Variants in NDFIP2 observed in about 807,000 individuals in gnomAD.
NDFIP2 encodes NEDD4 family-interacting protein 2.
Under a neutral mutation model 36.0 loss-of-function variants are expected in NDFIP2, and 19 were observed. The observed-to-expected ratio is 0.53, with a 90% CI of 0.37 to 0.77. The LOEUF is 0.77. NDFIP2 is among the 30% of genes least tolerant of loss of function. The pLI, the probability that NDFIP2 is intolerant of heterozygous loss-of-function variation, is 0.00. For missense variants in NDFIP2, 446 were observed against 435.8 expected (o/e 1.02, Z -0.21); for synonymous variants, 181 against 167.7 (o/e 1.08, Z -0.61).
chr13:79,514,821 C>A (rs1411283077), intron 1 of NDFIP2, among the ~76,000 whole-genome samples: 1 of 152,066 alleles, frequency 6.6e-6, no homozygotes, highest in Non-Finnish European at 1.5e-5. Context: ...TTAATTATCC[C>A]CCCCTTACAT....
intron 5 of NDFIP2, among the ~76,000 whole-genome samples, chr13:79,547,908 A>G (rs1262767911): frequency 4.6e-5 from 7 of 152,134 alleles, no homozygotes; most frequent in Admixed American, 3.3e-4. Flanking sequence ...CCCCCATCTG[A>G]TAAGATTAAA....
At chr13:79,551,415 G>A (rs1875905768) in intron 7 of NDFIP2, among the ~76,000 whole-genome samples, 1 of 151,248 alleles carries the variant, frequency 6.6e-6, no homozygotes, top group African/African-American at 2.4e-5. Flanking sequence ...ACCATAGAAT[G>A]TATATGAAGT....
At chr13:79,523,977 G>A (rs1054887882) in intron 2 of NDFIP2, among the ~76,000 whole-genome samples, 1 of 152,196 alleles carries the variant, frequency 6.6e-6, no homozygotes, top group Non-Finnish European at 1.5e-5. Context: ...AGAGGTTGTA[G>A]TGCTTCAGTG....
At chr13:79,506,232 G>C (rs993742794) in intron 1 of NDFIP2, among the ~76,000 whole-genome samples, 1 of 152,060 alleles carries the variant, frequency 6.6e-6, no homozygotes, top group Non-Finnish European at 1.5e-5. Flanking sequence ...AAGCAACCAT[G>C]TTACCTATTT....
Position 79,515,377 on chromosome 13 carries a change from A to G in NDFIP2, c.322-5433A>G, listed in dbSNP as rs1874253655. Among the ~76,000 whole-genome samples the G allele has an allele frequency of 2.0e-5, 3 of 152,194 alleles. No homozygotes were observed. The South Asian group carries it at 6.2e-4, about 31-fold the overall frequency. ...ATATTATAAAATTTAAAACCACATC[A>G]CTTTGTTTTCAAAACAAGAAGCTGA... On this transcript the variant is annotated intron_variant, in intron 1 of 7. Transcript: ENST00000218652.
chr13:79,493,966 T>C (rs745972862), intron 1 of NDFIP2, among the ~76,000 whole-genome samples: 1 of 152,084 alleles, frequency 6.6e-6, no homozygotes, highest in Non-Finnish European at 1.5e-5. Context: ...AGCAATCTCC[T>C]TTTCACCCTT....
At chr13:79,497,660 G>GTTT (rs1282594237) in intron 1 of NDFIP2, among the ~76,000 whole-genome samples, 13 of 126,738 alleles carry the variant, frequency 1.0e-4, no homozygotes, top group Non-Finnish European at 1.7e-4. Context: ...AGATTTCTGA[G>GTTT]TTTTTTTTTT....
At chr13:79,545,819 C>T (rs540030618) in intron 5 of NDFIP2, among the ~76,000 whole-genome samples, 2 of 152,260 alleles carry the variant, frequency 1.3e-5, no homozygotes, top group Admixed American at 6.5e-5. Flanking sequence ...TCACTGCAAC[C>T]TCCGCCTCCC....
intron 6 of NDFIP2, among the ~76,000 whole-genome samples, chr13:79,550,747 C>CA (rs1176722721): frequency 3.3e-5 from 5 of 151,602 alleles, no homozygotes; most frequent in African/African-American, 1.2e-4. Context: ...TGAAGAAAAT[C>CA]ACTTAAATGT....
At chr13:79,539,534 A>T in intron 3 of NDFIP2, 148 bp from the exon 4 acceptor site, 1 of 555,500 alleles carries the variant, frequency 1.8e-6, no homozygotes, top group East Asian at 2.9e-5. Context: ...ATGCTTATTG[A>T]TTACTCTGTG....
intron 1 of NDFIP2, among the ~76,000 whole-genome samples, chr13:79,492,982 C>G (rs941474279): frequency 6.6e-6 from 1 of 152,098 alleles, no homozygotes; most frequent in Non-Finnish European, 1.5e-5. Context: ...TTCCCTTTTA[C>G]CTCCCCATCT....
intron 1 of NDFIP2, among the ~76,000 whole-genome samples, chr13:79,504,863 CTATT>C (rs1873800744): frequency 1.3e-5 from 2 of 152,110 alleles, no homozygotes; most frequent in Admixed American, 1.3e-4. Context: ...TGCTCCCCAT[CTATT>C]CATTTATATC....
At chr13:79,547,299 C>G (rs745871533) in intron 5 of NDFIP2, among the ~76,000 whole-genome samples, 1 of 151,952 alleles carries the variant, frequency 6.6e-6, no homozygotes, top group African/African-American at 2.4e-5. Flanking sequence ...AATTGGAAAT[C>G]TTTACTTATA....
chr13:79,530,604 T>G lies in NDFIP2; in HGVS notation c.488-2719T>G, dbSNP rs1391382168. ...CACTGCTTTGTCAGTTAAACTTATGTAATCTAAGTCCTTTTTTGTCATTTC... is the reference window on the plus strand; with the variant it reads ...CACTGCTTTGTCAGTTAAACTTATGGAATCTAAGTCCTTTTTTGTCATTTC... On this transcript the variant is annotated intron_variant, in intron 2 of 7. Transcript: ENST00000218652. Among the ~76,000 whole-genome samples the G allele has an allele frequency of 2.0e-5, 3 of 152,218 alleles. No homozygotes were observed. In the South Asian group the frequency reaches 6.2e-4, roughly 32 times the overall value.
chr13:79,523,384 C>T (rs922252198), intron 2 of NDFIP2, among the ~76,000 whole-genome samples: 4 of 152,042 alleles, frequency 2.6e-5, no homozygotes, highest in Non-Finnish European at 5.9e-5. Context: ...CCACACCTGG[C>T]GAATTTTGTA....
intron 4 of NDFIP2, 62 bp from the exon 5 acceptor site, chr13:79,543,496 A>G (rs1054344641): frequency 6.3e-7 from 1 of 1,578,104 alleles, no homozygotes; most frequent in Admixed American, 1.7e-5. Context: ...TATTATTAAT[A>G]TGTCTATGTT....
chr13:79,494,432 A>G (rs1021708058), intron 1 of NDFIP2, among the ~76,000 whole-genome samples: 3 of 152,010 alleles, frequency 2.0e-5, no homozygotes, highest in Admixed American at 2.0e-4. Context: ...GAGTTGCTTA[A>G]TTTTTATTTC....
chr13:79,502,479 GTTTTAGA>G (rs1430911215), intron 1 of NDFIP2, among the ~76,000 whole-genome samples: 1 of 152,124 alleles, frequency 6.6e-6, no homozygotes, highest in Admixed American at 6.6e-5. Context: ...TCTGGATTTA[GTTTTAGA>G]TAAGACTCTT....
intron 5 of NDFIP2, among the ~76,000 whole-genome samples, chr13:79,545,412 T>C (rs991401792): frequency 3.3e-5 from 5 of 152,216 alleles, no homozygotes; most frequent in Admixed American, 3.3e-4. Context: ...CTAGAGTTTC[T>C]TACAGTTTTG....
Sources: gnomAD v4.1 joint callset for allele counts (sites outside exome capture counted in the v4.1 genomes callset) on GRCh38, gnomAD v4.1.1 for gene constraint, MANE v1.5 for transcripts, NCBI Gene and HGNC (gene_info 2026-07-23, HGNC 2026-07-21) for gene names.